PDPR: variants seen among roughly 807,000 people sequenced by gnomAD.
PDPR encodes pyruvate dehydrogenase phosphatase regulatory subunit, also known as pyruvate dehydrogenase phosphatase regulatory subunit, mitochondrial.
A neutral mutation model predicts 102.2 loss-of-function variants in PDPR; 50 were observed. The observed-to-expected ratio is 0.49, with a 90% CI of 0.39 to 0.62. The LOEUF (loss-of-function observed/expected upper bound fraction) is 0.62. PDPR is among the 20% of genes least tolerant of loss of function. PDPR has a pLI of 0.00. For missense variants in PDPR, 625 were observed against 1,098.2 expected (o/e 0.57, Z 6.09); for synonymous variants, 259 against 406.0 (o/e 0.64, Z 4.35).
Position 70,146,185 on chromosome 16 carries a change from A to G in PDPR, c.1919A>G (p.Tyr640Cys), listed in dbSNP as rs2287978. The G allele has an allele frequency of 6.2e-6, 10 of 1,612,988 alleles. No homozygotes were observed. The highest frequency in any genetic ancestry group is 1.6e-4 in the Middle Eastern group (1 of 6,082). The change falls in exon 16 of 19, where the codon TAT becomes TGT. Residue 640 changes from tyrosine (Y) to cysteine (C), a missense_variant. Tyr to Cys is a radical substitution (Grantham distance 194). Transcript: ENST00000288050. ...GTGGATGTGCTGTCTGAGTTGTCCT[A>G]TGCCCCTATGACTCCAGACCACTTC... ...RAVDVLSELS[Y>C]APMTPDHFPS...
intron 2 of PDPR, among the ~76,000 whole-genome samples, chr16:70,116,943 T>A (rs1324333243): frequency 1.3e-5 from 2 of 151,822 alleles, no homozygotes; most frequent in Admixed American, 1.3e-4. Context: ...TGCTTAATGG[T>A]TCAGTCCTCA....
At position 70,150,531 on chromosome 16, in the gene PDPR, A is replaced by ATTTTTT. The variant is rs71151175; in HGVS notation, c.2052+1987_2052+1992dup. On this transcript the variant is annotated intron_variant, in intron 17 of 18. Coordinates refer to ENST00000288050, the MANE Select transcript of PDPR (RefSeq NM_017990.5). ...ACTTGTAGTGATAGGTTTTCTCTTAATTTTTTTTTTTTTTGTGAGACAGGG... is the reference window on the plus strand; with the variant it reads ...ACTTGTAGTGATAGGTTTTCTCTTAATTTTTTTTTTTTTTTTTTTTGTGAGACAGGG... Among the ~76,000 whole-genome samples, 71 of 138,302 alleles carry ATTTTTT rather than the reference A, an allele frequency of 5.1e-4. 2 individuals carry two copies. Among genetic ancestry groups the ATTTTTT allele is most frequent in the African/African-American group, 1.5e-3 (55 of 36,832 alleles). The allele number at this position is 138,302 out of a possible 152,430, so 90.7% of individuals were successfully genotyped here.
intron 3 of PDPR, among the ~76,000 whole-genome samples, chr16:70,124,566 C>G (rs1218118143): frequency 6.6e-6 from 1 of 152,382 alleles, no homozygotes; most frequent in Admixed American, 6.5e-5. Flanking sequence ...ACCAGAATCT[C>G]TAGGGGTGAG....
intron 2 of PDPR, among the ~76,000 whole-genome samples, chr16:70,117,310 T>C: frequency 7.6e-6 from 1 of 131,496 alleles, no homozygotes; most frequent in African/African-American, 2.8e-5. Context: ...GTCGGGAGAT[T>C]GAGACCATCC....
intron 9 of PDPR, among the ~76,000 whole-genome samples, chr16:70,132,783 C>T (rs1266305400): frequency 6.6e-6 from 1 of 152,234 alleles, no homozygotes; most frequent in African/African-American, 2.4e-5. Context: ...GCCACTGTAC[C>T]TAGCCCTTTG....
At position 70,162,389 on chromosome 16, in the gene PDPR, C is replaced by G. The variant is rs1403866656; in HGVS notation, c.*5510C>G. 1 of 152,560 alleles carries G rather than the reference C, an allele frequency of 6.6e-6. No homozygotes were observed. The highest frequency in any genetic ancestry group is 1.5e-5 in the Non-Finnish European group (1 of 68,218). The allele number at this position is 152,560 out of a possible 1,614,324, so 9.5% of individuals were successfully genotyped here. A position where few individuals can be genotyped will look rare whatever the true frequency, so the allele number is the denominator to read the frequency against. On this transcript the variant is annotated 3_prime_UTR_variant, in exon 19 of 19. Coordinates refer to ENST00000288050, the MANE Select transcript of PDPR (RefSeq NM_017990.5). ...GATCTTTTCTAGAGATCCTGGGTGA[C>G]TTTGGGTGCACAGGGTGACCGAGCA...
chr16:70,148,512 C>T lies in PDPR; in HGVS notation c.2011C>T (p.His671Tyr), dbSNP rs1341203840. ...TGGGATCCGGGTGATGAGCATGACG[C>T]ACACAGGAGAGCCAGGATTCATGCT... ...ANGIRVMSMT[H>Y]TGEPGFMLYI... Residue 671 changes from histidine (H) to tyrosine (Y), a missense_variant, in exon 17 of 19, where the codon CAC becomes TAC. Physicochemically the swap from His to Tyr is moderately conservative, Grantham distance 83 (BLOSUM62 2). Transcript: ENST00000288050. 6.2e-7 allele frequency: 1 copy of T among 1,613,578 alleles called. No individual in the cohort carries two copies. Among genetic ancestry groups the T allele is most frequent in the Non-Finnish European group, 8.5e-7 (1 of 1,179,662 alleles).
chr16:70,148,467 A>G lies in PDPR; in HGVS notation c.1966A>G (p.Met656Val). 1 of 1,612,596 alleles carries G rather than the reference A, an allele frequency of 6.2e-7. No homozygotes were observed. The highest frequency in any genetic ancestry group is 8.5e-7 in the Non-Finnish European group (1 of 1,178,970). Residue 656 changes from methionine (M) to valine (V), a missense_variant, in exon 17 of 19, where the codon ATG becomes GTG. Met to Val is a conservative substitution (Grantham distance 21). Transcript: ENST00000288050. ...DHFPSLFCKE[M>V]SVGYANGIRV... is the part of the protein sequence containing the mutation. Reference sequence around the variant, plus strand: ...ACTGCTGCCTTTGTCCCTGCAGGAGATGAGTGTGGGCTATGCAAATGGGAT... The same window carrying G: ...ACTGCTGCCTTTGTCCCTGCAGGAGGTGAGTGTGGGCTATGCAAATGGGAT...
intron 3 of PDPR, among the ~76,000 whole-genome samples, chr16:70,125,992 T>C (rs187817196): frequency 1.3e-5 from 2 of 152,402 alleles, no homozygotes; most frequent in African/African-American, 4.8e-5. Context: ...GTTCTAGTTA[T>C]ATTCTCTACT....
At position 70,148,495 on chromosome 16, in the gene PDPR, G is replaced by A. The variant is rs367798186; in HGVS notation, c.1994G>A (p.Arg665Gln). The A allele has an allele frequency of 8.2e-5, 133 of 1,613,360 alleles. No homozygotes were observed. The highest frequency in any genetic ancestry group is 1.1e-4 in the Non-Finnish European group (125 of 1,179,608). ...EMSVGYANGI[R>Q]VMSMTHTGEP... ...AGTGTGGGCTATGCAAATGGGATCC[G>A]GGTGATGAGCATGACGCACACAGGA... Residue 665 changes from arginine to glutamine, a missense_variant, in exon 17 of 19, where the codon CGG becomes CAG. This residue lies in a region of PDPR where 36 missense variants were observed against 62.8 expected (regional missense o/e 0.57). Coordinates refer to ENST00000288050, the MANE Select transcript of PDPR (RefSeq NM_017990.5).
chr16:70,148,385 A>G, intron 16 of PDPR, 79 bp from the exon 17 acceptor site: 2 of 975,732 alleles, frequency 2.0e-6, no homozygotes, highest in East Asian at 2.6e-5. Context: ...GTGCAGCACT[A>G]ATGAAAGGTT....
At position 70,157,002 on chromosome 16, in the gene PDPR, C is replaced by T. The variant is rs778071776; in HGVS notation, c.*123C>T. 5.2e-5 allele frequency: 72 copies of T among 1,386,450 alleles called. No individual in the cohort carries two copies. The highest frequency in any genetic ancestry group is 1.8e-4 in the Middle Eastern group (1 of 5,624). The allele number at this position is 1,386,450 out of a possible 1,614,324, so 85.9% of individuals were successfully genotyped here. A position where few individuals can be genotyped will look rare whatever the true frequency, so the allele number is the denominator to read the frequency against. On this transcript the variant is annotated 3_prime_UTR_variant, in exon 19 of 19. Coordinates refer to ENST00000288050, the MANE Select transcript of PDPR (RefSeq NM_017990.5). ...GCCTTTGCCTCCCATCTCTTATCTC[C>T]TTGATATAATTTTGAACTTGACCTA...
rs1197581001 is a variant in PDPR, at chr16:70,159,107, C to T, written c.*2228C>T. ...CAGTATATTAGTCAAATAGAAGCTT[C>T]ATCAGAAATGTATCCCACATAGAGT... On this transcript the variant is annotated 3_prime_UTR_variant, in exon 19 of 19. Coordinates refer to ENST00000288050, the MANE Select transcript of PDPR (RefSeq NM_017990.5). The T allele has an allele frequency of 6.6e-6, 1 of 152,332 alleles. No individual in the cohort carries two copies. 9.4% of individuals were successfully genotyped at this position (152,332 alleles called of 1,614,324 possible). A position where few individuals can be genotyped will look rare whatever the true frequency, so the allele number is the denominator to read the frequency against.
chr16:70,144,081 A>G (rs1966012245), intron 14 of PDPR, among the ~76,000 whole-genome samples: 1 of 152,088 alleles, frequency 6.6e-6, no homozygotes, highest in Non-Finnish European at 1.5e-5. Flanking sequence ...TTGTAGAGAT[A>G]GGGTTTTGCC....
intron 10 of PDPR, among the ~76,000 whole-genome samples, chr16:70,138,428 G>C (rs1284489778): frequency 1.3e-5 from 2 of 152,188 alleles, no homozygotes; most frequent in Non-Finnish European, 2.9e-5. Flanking sequence ...CATTGGTCAG[G>C]CTTGTTTCGA....
At position 70,161,302 on chromosome 16, in the gene PDPR, C is replaced by G. The variant is rs567585604; in HGVS notation, c.*4423C>G. ...GTCTCAAAAAAAAAAAAAAAAAAAT[C>G]TAAGATAGAGGTTTGGTCAACAGTG... is the stretch of plus-strand genomic sequence containing the variant. On this transcript the variant is annotated 3_prime_UTR_variant, in exon 19 of 19. Transcript: ENST00000288050. 57 of 135,928 alleles carry G rather than the reference C, an allele frequency of 4.2e-4. No homozygotes were observed. The highest frequency in any genetic ancestry group is 1.5e-3 in the African/African-American group (55 of 36,940). The allele number at this position is 135,928 out of a possible 1,614,324, so 8.4% of individuals were successfully genotyped here.
In PDPR at chr16:70,161,345, A is replaced by G. The variant is rs77664401; in HGVS notation, c.*4466A>G. 2.0e-5 allele frequency: 3 copies of G among 153,580 alleles called. No individual in the cohort carries two copies. The highest frequency in any genetic ancestry group is 7.2e-5 in the African/African-American group (3 of 41,422). The allele number at this position is 153,580 out of a possible 1,614,324, so 9.5% of individuals were successfully genotyped here. A position where few individuals can be genotyped will look rare whatever the true frequency, so the allele number is the denominator to read the frequency against. ...CAACAGTGCTTAATAATAAATAAGA[A>G]CCTCCTGCCATTCTAATTTTCCTGC... On this transcript the variant is annotated 3_prime_UTR_variant, in exon 19 of 19. Coordinates refer to ENST00000288050, the MANE Select transcript of PDPR (RefSeq NM_017990.5).
chr16:70,134,086 G>A (rs1487166788), intron 9 of PDPR, among the ~76,000 whole-genome samples: 4 of 152,218 alleles, frequency 2.6e-5, no homozygotes, highest in African/African-American at 9.6e-5. Flanking sequence ...GGTTTTAGGA[G>A]GAGACTTCTT....
chr16:70,135,429 G>C (rs575419501), intron 9 of PDPR, among the ~76,000 whole-genome samples: 2 of 152,252 alleles, frequency 1.3e-5, no homozygotes, highest in East Asian at 1.9e-4. Context: ...TAGAGACGAG[G>C]CTTCGCCATT....
Sources: gnomAD v4.1 joint callset for allele counts (sites outside exome capture counted in the v4.1 genomes callset) on GRCh38, gnomAD v4.1.1 for gene constraint, gnomAD v4.1.1 regional missense constraint, MANE v1.5 for transcripts, NCBI Gene and HGNC (gene_info 2026-07-23, HGNC 2026-07-21) for gene names.